The following C10orf90 variants were observed in gnomAD, a reference collection of about 807,000 sequenced individuals.
C10orf90 encodes the protein (E2-independent) E3 ubiquitin-conjugating enzyme FATS.
In C10orf90, 56 loss-of-function variants were observed where a neutral mutation model predicts 62.5. The ratio of observed to expected loss-of-function variants is 0.90; its 90% CI spans 0.72 to 1.12. The LOEUF (loss-of-function observed/expected upper bound fraction) is 1.12, where lower values mean the gene tolerates loss of function less well. Among genes scored for constraint, C10orf90 ranks in the 50% most tolerant of loss-of-function variants. The pLI is 0.00. For synonymous variants in C10orf90, 386 were observed against 340.4 expected (o/e 1.13, Z -1.47); for missense variants, 970 against 880.4 (o/e 1.10, Z -1.29).
rs868859924 is a variant in C10orf90 at position 126,468,738 on chromosome 10, C to T, written c.1535-3752G>A. Among the ~76,000 whole-genome samples, 6 of 152,034 alleles carry T rather than the reference C, an allele frequency of 3.9e-5. No individual in the cohort carries two copies. The East Asian group carries it at 5.8e-4, about 15-fold the overall frequency. ...CATGCAGGGCAGGGACTGGGGGTGG[C>T]GGAATTTCAAGGACCTCAATGACAC... On this transcript the variant is annotated intron_variant, in intron 4 of 9. Transcript: ENST00000488181.
chr10:126,541,854 A>C (rs1408421891), intron 2 of C10orf90, among the ~76,000 whole-genome samples: 1 of 152,250 alleles, frequency 6.6e-6, no homozygotes, highest in African/African-American at 2.4e-5. Flanking sequence ...AATTAAAAAC[A>C]GGGGTACATA....
chr10:126,499,234 G>T (rs951009129), intron 4 of C10orf90, among the ~76,000 whole-genome samples: 1 of 152,150 alleles, frequency 6.6e-6, no homozygotes, highest in African/African-American at 2.4e-5. Context: ...TTAAGATGGT[G>T]GTGACTCAAT....
chr10:126,537,233 TTA>T (rs2133962731), intron 2 of C10orf90, among the ~76,000 whole-genome samples: 1 of 152,300 alleles, frequency 6.6e-6, no homozygotes, highest in East Asian at 1.9e-4. Context: ...ACAGGAGGGT[TTA>T]TGTGACTGAT....
At chr10:126,640,499 G>C (rs1846038811) in intron 2 of C10orf90, among the ~76,000 whole-genome samples, 1 of 152,054 alleles carries the variant, frequency 6.6e-6, no homozygotes, top group South Asian at 2.1e-4. Context: ...TGGAAACATA[G>C]AGATGAGAAA....
chr10:126,450,724 T>C (rs1261345274), intron 7 of C10orf90, among the ~76,000 whole-genome samples: 1 of 152,200 alleles, frequency 6.6e-6, no homozygotes, highest in African/African-American at 2.4e-5. Flanking sequence ...ATGTAATTCC[T>C]GAAACTCTAA....
At chr10:126,514,663 C>T (rs993222610) in intron 2 of C10orf90, among the ~76,000 whole-genome samples, 1 of 152,160 alleles carries the variant, frequency 6.6e-6, no homozygotes, top group Non-Finnish European at 1.5e-5. Context: ...GAGTACCTCA[C>T]GGAGTCCTGA....
chr10:126,598,500 C>T (rs1845130591), intron 2 of C10orf90, among the ~76,000 whole-genome samples: 1 of 152,162 alleles, frequency 6.6e-6, no homozygotes, highest in Admixed American at 6.5e-5. Flanking sequence ...GCCTTGCCTT[C>T]CAGCTATGCC....
chr10:126,582,117 T>G (rs1844765082), intron 2 of C10orf90, among the ~76,000 whole-genome samples: 2 of 152,326 alleles, frequency 1.3e-5, no homozygotes, highest in Middle Eastern at 3.4e-3. Flanking sequence ...GACTTGTTCC[T>G]GGGGTTAGCC....
At chr10:126,506,591 G>A (rs1862746241) in intron 3 of C10orf90, among the ~76,000 whole-genome samples, 1 of 152,222 alleles carries the variant, frequency 6.6e-6, no homozygotes, top group African/African-American at 2.4e-5. Flanking sequence ...AGACCCCAGA[G>A]ATTGATTCTG....
chr10:126,635,431 C>T (rs10510155), intron 2 of C10orf90, among the ~76,000 whole-genome samples: 8,982 of 152,134 alleles, frequency 0.059, 299 homozygotes, highest in Middle Eastern at 0.13. Flanking sequence ...GGCTTAAGGG[C>T]ACCAAGATAA....
At chr10:126,617,824 C>T (rs541540541) in intron 2 of C10orf90, among the ~76,000 whole-genome samples, 3 of 152,202 alleles carry the variant, frequency 2.0e-5, no homozygotes, top group Non-Finnish European at 4.4e-5. Flanking sequence ...TACCTCTGTC[C>T]TACCTTGTGT....
intron 7 of C10orf90, among the ~76,000 whole-genome samples, chr10:126,437,237 A>AT (rs1857980075): frequency 6.6e-6 from 1 of 152,222 alleles, no homozygotes; most frequent in Non-Finnish European, 1.5e-5. Flanking sequence ...TGCAAAAGAT[A>AT]TAAGGTTGTG....
At position 126,607,520 on chromosome 10, in the gene C10orf90, T is replaced by G. The variant is rs183136288; in HGVS notation, c.313+39045A>C. On this transcript the variant is annotated intron_variant, in intron 2 of 9. Coordinates refer to ENST00000488181, the MANE Select transcript of C10orf90 (RefSeq NM_001350921.2). ...AACTGATAATATGGGTTATCAATGA[T>G]CAAATTTGAATTTTAAATTAGAATT... Among the ~76,000 whole-genome samples the G allele has an allele frequency of 1.3e-3, 203 of 152,356 alleles. 1 individual carries two copies. Among genetic ancestry groups the G allele is most frequent in the African/African-American group, 4.4e-3 (184 of 41,594 alleles).
At chr10:126,479,789 T>C (rs946383486) in intron 4 of C10orf90, among the ~76,000 whole-genome samples, 1 of 152,250 alleles carries the variant, frequency 6.6e-6, no homozygotes. Context: ...GTATTGTTTC[T>C]ATTTGGGATT....
chr10:126,453,449 G>A lies in C10orf90; in HGVS notation c.2188+5591C>T, dbSNP rs1859331284. ...GTGAGAGGAGAGGAGAGGGAGTGAA[G>A]GGGAGAAAGAAGGATGGGAATCAGG... On this transcript the variant is annotated intron_variant, in intron 7 of 9. Coordinates refer to ENST00000488181, the MANE Select transcript of C10orf90 (RefSeq NM_001350921.2). The surrounding 1 kb of genome is among the most constrained non-coding windows in gnomAD (Gnocchi z 4.9). 6.6e-6 allele frequency among the ~76,000 whole-genome samples: 1 copy of A among 152,142 alleles called. No homozygotes were observed. Among genetic ancestry groups the A allele is most frequent in the East Asian group, 1.9e-4 (1 of 5,154 alleles).
chr10:126,437,275 C>G (rs1057292178), intron 7 of C10orf90, among the ~76,000 whole-genome samples: 1 of 152,236 alleles, frequency 6.6e-6, no homozygotes, highest in African/African-American at 2.4e-5. Context: ...TGTATTTTCA[C>G]ATAAATGTCA....
intron 2 of C10orf90, among the ~76,000 whole-genome samples, chr10:126,530,696 C>A (rs1374241814): frequency 6.6e-6 from 1 of 152,096 alleles, no homozygotes; most frequent in Admixed American, 6.5e-5. Context: ...CGAGCCCAGG[C>A]AGCCTGCAGG....
chr10:126,621,816 C>T (rs1262077066), intron 2 of C10orf90, among the ~76,000 whole-genome samples: 2 of 152,186 alleles, frequency 1.3e-5, no homozygotes, highest in African/African-American at 4.8e-5. Flanking sequence ...ATTCCCCTGA[C>T]TTTGCTTTAA....
At chr10:126,665,988 C>T (rs528936281) in intron 1 of C10orf90, among the ~76,000 whole-genome samples, 38 of 152,246 alleles carry the variant, frequency 2.5e-4, no homozygotes, top group Non-Finnish European at 3.4e-4. Flanking sequence ...TTTAGGTTCC[C>T]GCCAGCCCAG....
Sources: allele counts gnomAD v4.1 joint callset (sites outside exome capture counted in the v4.1 genomes callset), GRCh38; gene constraint gnomAD v4.1.1; non-coding constraint Gnocchi (gnomAD v3.1); transcripts MANE v1.5; gene names NCBI Gene and HGNC (gene_info 2026-07-23, HGNC 2026-07-21).